The following SIX5 variants were observed in gnomAD, a reference collection of about 807,000 sequenced individuals.
The protein encoded by SIX5 is SIX homeobox 5.
A neutral mutation model predicts 37.1 loss-of-function variants in SIX5; 21 were observed. That is an observed-to-expected ratio of 0.57 (90% CI 0.40 to 0.81). The LOEUF (loss-of-function observed/expected upper bound fraction) is 0.81, where lower values mean the gene tolerates loss of function less well. SIX5 is among the 40% of genes least tolerant of loss of function. The pLI is 0.00. For missense variants in SIX5, 1,137 were observed against 1,025.1 expected (o/e 1.11, Z -1.49); for synonymous variants, 626 against 505.9 (o/e 1.24, Z -3.19).
chr19:45,767,512 G>A lies in SIX5; in HGVS notation c.804-357C>T, dbSNP rs184493863. Among the ~76,000 whole-genome samples, 26 of 152,326 alleles carry A rather than the reference G, an allele frequency of 1.7e-4. No individual in the cohort carries two copies. In the East Asian group the frequency reaches 5.0e-3, roughly 29 times the overall value. Reference sequence around the variant, plus strand: ...GCCCAGTTCCCGGTGCCCTCCCCGCGGGGCGTCAGAGAAGGGAGAGGCCGG... The same window carrying A: ...GCCCAGTTCCCGGTGCCCTCCCCGCAGGGCGTCAGAGAAGGGAGAGGCCGG... On this transcript the variant is annotated intron_variant, in intron 1 of 2. Coordinates refer to ENST00000317578, the MANE Select transcript of SIX5 (RefSeq NM_175875.5).
In SIX5 at chr19:45,766,127, G is replaced by A. The variant is rs766047752; in HGVS notation, c.1610-16C>T. ...AGGAAGTTTCCTGTGGGGAGAGAGG[G>A]ACCGAGCGCAGGTGAGAGCCAGGAG... On this transcript the variant is annotated splice_polypyrimidine_tract_variant and intron_variant, in intron 2 of 2. Transcript: ENST00000317578. 9.3e-6 allele frequency: 15 copies of A among 1,608,506 alleles called. No homozygotes were observed. Among genetic ancestry groups the A allele is most frequent in the African/African-American group, 1.3e-5 (1 of 74,950 alleles).
Position 45,766,861 on chromosome 19 carries a change from AC to A in SIX5, c.1097del (p.Gly366ValfsTer101), listed in dbSNP as rs1470617396. On this transcript the variant is annotated frameshift_variant, in exon 2 of 3. Coordinates refer to ENST00000317578, the MANE Select transcript of SIX5 (RefSeq NM_175875.5). LOFTEE classifies it high-confidence loss of function. Reference sequence around the variant, plus strand: ...GAGGGCTGGGCTGCGGTGGAGGGGCACCCCCGCCCCCAGTGAGCAGCAGCGG... The same window carrying A: ...GAGGGCTGGGCTGCGGTGGAGGGGCACCCCGCCCCCAGTGAGCAGCAGCGG... ...LGPLLLTGGG[G>X]APPPQPSPQG... 3 of 1,541,940 alleles carry A rather than the reference AC, an allele frequency of 1.9e-6. No homozygotes were observed.
In SIX5 at chr19:45,769,146, C is replaced by G; in HGVS notation, c.-302G>C. 1 of 442,712 alleles carries G rather than the reference C, an allele frequency of 2.3e-6. No homozygotes were observed. Among genetic ancestry groups the G allele is most frequent in the Non-Finnish European group, 4.1e-6 (1 of 244,966 alleles). 27.4% of individuals were successfully genotyped at this position (442,712 alleles called of 1,614,324 possible). A position where few individuals can be genotyped will look rare whatever the true frequency, so the allele number is the denominator to read the frequency against. The stretch of plus-strand genomic sequence containing the variant: ...CTTCTGGCTCAGGGCCTCAGTTTCC[C>G]CATCGGGACAACGCAGAAGGTAACG... On this transcript the variant is annotated 5_prime_UTR_variant, in exon 1 of 3. Transcript: ENST00000317578.
Position 45,769,152 on chromosome 19 carries a change from G to A in SIX5, c.-308C>T. 2.4e-6 allele frequency: 1 copy of A among 419,850 alleles called. No homozygotes were observed. 26.0% of individuals were successfully genotyped at this position (419,850 alleles called of 1,614,324 possible). Reference sequence around the variant, plus strand: ...GCTCAGGGCCTCAGTTTCCCCATCGGGACAACGCAGAAGGTAACGGGCCGT... The same window carrying A: ...GCTCAGGGCCTCAGTTTCCCCATCGAGACAACGCAGAAGGTAACGGGCCGT... On this transcript the variant is annotated 5_prime_UTR_variant, in exon 1 of 3. Transcript: ENST00000317578.
intron 1 of SIX5, 28 bp from the exon 2 acceptor site, chr19:45,767,183 G>T: frequency 1.2e-6 from 2 of 1,605,072 alleles, no homozygotes; most frequent in East Asian, 2.2e-5. Context: ...TGTCAGCTGG[G>T]GTCCCTTAGC....
rs1969033238 is a variant in SIX5, at chr19:45,764,883, G to A, written c.*618C>T. The A allele has an allele frequency of 6.2e-6, 1 of 162,068 alleles. No homozygotes were observed. The highest frequency in any genetic ancestry group is 1.4e-5 in the Non-Finnish European group (1 of 72,732). 10.0% of individuals were successfully genotyped at this position (162,068 alleles called of 1,614,324 possible). A position where few individuals can be genotyped will look rare whatever the true frequency, so the allele number is the denominator to read the frequency against. On this transcript the variant is annotated 3_prime_UTR_variant, in exon 3 of 3. Coordinates refer to ENST00000317578, the MANE Select transcript of SIX5 (RefSeq NM_175875.5). The stretch of plus-strand genomic sequence containing the variant: ...GGATACAAAGGAGACACAGCGGCAG[G>A]GCTGCCCCCAGGGATGAGGGAATCT...
Position 45,765,384 on chromosome 19 carries a change from G to T in SIX5, c.*117C>A. On this transcript the variant is annotated 3_prime_UTR_variant, in exon 3 of 3. Coordinates refer to ENST00000317578, the MANE Select transcript of SIX5 (RefSeq NM_175875.5). The stretch of plus-strand genomic sequence containing the variant: ...ACCAGGGCTTGGAGAGGCCACCCAG[G>T]CAGAAGGATGTGGTGACTGGGGTCT... 6.8e-7 allele frequency: 1 copy of T among 1,468,510 alleles called. No individual in the cohort carries two copies. The highest frequency in any genetic ancestry group is 9.5e-7 in the Non-Finnish European group (1 of 1,057,542). The allele number at this position is 1,468,510 out of a possible 1,614,324, so 91.0% of individuals were successfully genotyped here. A position where few individuals can be genotyped will look rare whatever the true frequency, so the allele number is the denominator to read the frequency against.
chr19:45,767,828 G>C (rs1243278517), intron 1 of SIX5: 1 of 586,768 alleles, frequency 1.7e-6, no homozygotes, highest in East Asian at 2.9e-5. Flanking sequence ...GGAGCCGCTG[G>C]AAGAGGAGAC....
Position 45,766,067 on chromosome 19 carries a change from T to A in SIX5, c.1654A>T (p.Thr552Ser). 1 of 1,611,986 alleles carries A rather than the reference T, an allele frequency of 6.2e-7. No homozygotes were observed. The highest frequency in any genetic ancestry group is 8.5e-7 in the Non-Finnish European group (1 of 1,179,272). The change falls in exon 3 of 3, where the codon ACG becomes TCG. Residue 552 changes from threonine to serine, a missense_variant. Thr to Ser is a moderately conservative substitution (Grantham distance 58, BLOSUM62 1). Coordinates refer to ENST00000317578, the MANE Select transcript of SIX5 (RefSeq NM_175875.5). ...ANPVSGSPIV[T>S]GVALQQGKII... ...TTGCCCTGCTGCAGGGCCACACCCGTCACGATGGGGCTGCCAGACACAGGG... is the reference window on the plus strand; with the variant it reads ...TTGCCCTGCTGCAGGGCCACACCCGACACGATGGGGCTGCCAGACACAGGG...
chr19:45,766,740 C>G lies in SIX5; in HGVS notation c.1219G>C (p.Gly407Arg). The change falls in exon 2 of 3, where the codon GGG becomes CGG. Residue 407 changes from glycine (G) to arginine (R), a missense_variant. Gly to Arg is a moderately radical substitution (Grantham distance 125). This residue lies in a region of SIX5 where 787 missense variants were observed against 621.4 expected (regional missense o/e 1.27). Coordinates refer to ENST00000317578, the MANE Select transcript of SIX5 (RefSeq NM_175875.5). Reference sequence around the variant, plus strand: ...GGTCCCGGAGCAGCCACCTGGGCCCCTTTGGTCTCAGGGGCCTCCGACTGA... The same window carrying G: ...GGTCCCGGAGCAGCCACCTGGGCCCGTTTGGTCTCAGGGGCCTCCGACTGA... ...EAQSEAPETK[G>R]AQVAAPGPAL... The G allele has an allele frequency of 6.3e-7, 1 of 1,576,280 alleles. No individual in the cohort carries two copies. Among genetic ancestry groups the G allele is most frequent in the Non-Finnish European group, 8.6e-7 (1 of 1,163,374 alleles).
At position 45,766,839 on chromosome 19, in the gene SIX5, G is replaced by A; in HGVS notation, c.1120C>T (p.Pro374Ser). Residue 374 changes from proline (P) to serine (S), a missense_variant, in exon 2 of 3, where the codon CCT becomes TCT. Coordinates refer to ENST00000317578, the MANE Select transcript of SIX5 (RefSeq NM_175875.5). ...GGGAPPPQPSPQGASETKTSL... is the reference protein window; with the variant it reads ...GGGAPPPQPSSQGASETKTSL... Reference sequence around the variant, plus strand: ...GTCTTGGTCTCGCTGGCCCCCTGAGGGCTGGGCTGCGGTGGAGGGGCACCC... The same window carrying A: ...GTCTTGGTCTCGCTGGCCCCCTGAGAGCTGGGCTGCGGTGGAGGGGCACCC... The A allele has an allele frequency of 2.6e-6, 4 of 1,545,598 alleles. No individual in the cohort carries two copies. The highest frequency in any genetic ancestry group is 2.4e-5 in the East Asian group (1 of 41,144).
Position 45,766,969 on chromosome 19 carries a change from G to A in SIX5, c.990C>T (p.Ala330=). 1 of 1,595,220 alleles carries A rather than the reference G, an allele frequency of 6.3e-7. No individual in the cohort carries two copies. The highest frequency in any genetic ancestry group is 8.5e-7 in the Non-Finnish European group (1 of 1,172,940). ...SILVNGSFLA[A]SGSPAVLLNG... is the part of the protein sequence containing the mutation. Reference sequence around the variant, plus strand: ...TGAGGAGCACTGCTGGGGAGCCGCTGGCTGCCAGGAAGCTCCCGTTCACCA... The same window carrying A: ...TGAGGAGCACTGCTGGGGAGCCGCTAGCTGCCAGGAAGCTCCCGTTCACCA... Residue 330 remains alanine, a synonymous_variant, in exon 2 of 3, where the codon GCC becomes GCT. Transcript: ENST00000317578.
chr19:45,766,370 AGCT>A lies in SIX5; in HGVS notation c.1586_1588del (p.Gln529del). 1 of 1,589,870 alleles carries A rather than the reference AGCT, an allele frequency of 6.3e-7. No homozygotes were observed. Among genetic ancestry groups the A allele is most frequent in the Non-Finnish European group, 8.6e-7 (1 of 1,169,446 alleles). On this transcript the variant is annotated inframe_deletion, in exon 2 of 3. Coordinates refer to ENST00000317578, the MANE Select transcript of SIX5 (RefSeq NM_175875.5). Reference sequence around the variant, plus strand: ...GGTACCTGGGGCAGTGGCCGAAGGCAGCTGCAGGGCAGTCACGCCCACCCCGGA... The same window carrying A: ...GGTACCTGGGGCAGTGGCCGAAGGCAGCAGGGCAGTCACGCCCACCCCGGA...
Position 45,766,433 on chromosome 19 carries a change from G to T in SIX5, c.1526C>A (p.Ala509Asp). 6.4e-7 allele frequency: 1 copy of T among 1,563,954 alleles called. No individual in the cohort carries two copies. The highest frequency in any genetic ancestry group is 2.4e-5 in the East Asian group (1 of 41,900). The change falls in exon 2 of 3, where the codon GCT becomes GAT. Residue 509 changes from alanine to aspartate, a missense_variant. Ala to Asp is a moderately radical substitution (Grantham distance 126). Coordinates refer to ENST00000317578, the MANE Select transcript of SIX5 (RefSeq NM_175875.5). ...AGPGSPVKVA[A>D]AAGPANVHLI... ...GTGCACATTGGCAGGGCCTGCTGCA[G>T]CTGCCACCTTCACAGGGCTGCCTGG...
intron 1 of SIX5, among the ~76,000 whole-genome samples, chr19:45,767,370 G>A (rs370012841): frequency 1.3e-5 from 2 of 152,206 alleles, no homozygotes; most frequent in East Asian, 1.9e-4. Flanking sequence ...AGAGGCCCTT[G>A]CTCTCCCCCA....
At position 45,766,631 on chromosome 19, in the gene SIX5, C is replaced by T; in HGVS notation, c.1328G>A (p.Gly443Glu). ...PTAATFPLPPGPVPAVAAPQV... is the reference protein window; with the variant it reads ...PTAATFPLPPEPVPAVAAPQV... ...TGGGGCAGCCACAGCAGGCACTGGC[C>T]CCGGGGGCAGAGGAAAGGTGGCAGC... Residue 443 changes from glycine to glutamate, a missense_variant, in exon 2 of 3, where the codon GGG becomes GAG. Physicochemically the swap from Gly to Glu is moderately conservative, Grantham distance 98. Transcript: ENST00000317578. 2.0e-6 allele frequency: 3 copies of T among 1,474,966 alleles called. No homozygotes were observed. Among genetic ancestry groups the T allele is most frequent in the South Asian group, 1.4e-5 (1 of 73,142 alleles). The allele number at this position is 1,474,966 out of a possible 1,614,324, so 91.4% of individuals were successfully genotyped here. A position where few individuals can be genotyped will look rare whatever the true frequency, so the allele number is the denominator to read the frequency against.
Position 45,768,677 on chromosome 19 carries a change from TGCGCCCGCCCCGGCC to T in SIX5, c.153_167del (p.Gly53_Ala57del). ...CCGGGCCCTCAGCTCCCGCAGCCGC[TGCGCCCGCCCCGGCC>T]CCGGCCGCCGCCGCCGCCTCACCCT... On this transcript the variant is annotated inframe_deletion, in exon 1 of 3. Transcript: ENST00000317578. The T allele has an allele frequency of 8.0e-7, 1 of 1,247,662 alleles. No homozygotes were observed. Among genetic ancestry groups the T allele is most frequent in the East Asian group, 3.5e-5 (1 of 28,174 alleles). The allele number at this position is 1,247,662 out of a possible 1,614,324, so 77.3% of individuals were successfully genotyped here.
chr19:45,766,277 G>A (rs1297712469), intron 2 of SIX5, 73 bp downstream of exon 2: 3 of 1,504,662 alleles, frequency 2.0e-6, no homozygotes, highest in Middle Eastern at 2.3e-4. Context: ...CCCAGGGACA[G>A]CCCCTCCCTC....
chr19:45,766,107 G>C lies in SIX5; in HGVS notation c.1614C>G (p.Asn538Lys), dbSNP rs1199165233. 1 of 1,611,350 alleles carries C rather than the reference G, an allele frequency of 6.2e-7. No individual in the cohort carries two copies. The highest frequency in any genetic ancestry group is 1.7e-5 in the Admixed American group (1 of 59,638). Residue 538 changes from asparagine (N) to lysine (K), a missense_variant, in exon 3 of 3, where the codon AAC (asparagine) becomes AAG (lysine). This residue lies in a region of SIX5 where 787 missense variants were observed against 621.4 expected (regional missense o/e 1.27). Coordinates refer to ENST00000317578, the MANE Select transcript of SIX5 (RefSeq NM_175875.5). ...CAGACACAGGGTTGGCCAGGAGGAA[G>C]TTTCCTGTGGGGAGAGAGGGACCGA... is the stretch of plus-strand genomic sequence containing the variant. Reference protein sequence around the residue: ...LQLPSATAPGNFLLANPVSGS... With the variant: ...LQLPSATAPGKFLLANPVSGS...
Sources: gnomAD v4.1 joint callset for allele counts (sites outside exome capture counted in the v4.1 genomes callset) on GRCh38, gnomAD v4.1.1 for gene constraint, gnomAD v4.1.1 regional missense constraint, MANE v1.5 for transcripts, NCBI Gene and HGNC (gene_info 2026-07-23, HGNC 2026-07-21) for gene names.